The following FBXO46 variants were observed in gnomAD, a reference collection of about 807,000 sequenced individuals.
FBXO46 encodes F-box only protein 46.
A neutral mutation model predicts 30.7 loss-of-function variants in FBXO46; 13 were observed. The ratio of observed to expected loss-of-function variants is 0.42; its 90% CI spans 0.28 to 0.67. The LOEUF (loss-of-function observed/expected upper bound fraction) is 0.67. Ranked by LOEUF, FBXO46 falls within the 30% of genes least tolerant of loss-of-function variation. The pLI is 0.21. For missense variants in FBXO46, 754 were observed against 871.5 expected (o/e 0.87, Z 1.70); for synonymous variants, 467 against 385.8 (o/e 1.21, Z -2.47).
intron 1 of FBXO46, among the ~76,000 whole-genome samples, chr19:45,730,268 C>T (rs1416586096): frequency 6.6e-6 from 1 of 152,036 alleles, no homozygotes; most frequent in African/African-American, 2.4e-5. Context: ...TCCAGCTTAC[C>T]GGGAGTCTCT....
chr19:45,712,978 G>T lies in FBXO46; in HGVS notation c.518C>A (p.Ala173Asp). 6.3e-7 allele frequency: 1 copy of T among 1,576,300 alleles called. No homozygotes were observed. ...CTGTTCCACCAGGGCCACCATCTCG[G>T]CCACAGAGAGCAGGTCCACGTCCTC... Reference protein sequence around the residue: ...AGEDVDLLSVAEMVALVEQRA... With the variant: ...AGEDVDLLSVDEMVALVEQRA... The change falls in exon 2 of 2, where the codon GCC becomes GAC. Residue 173 changes from alanine (A) to aspartate (D), a missense_variant. Physicochemically the swap from Ala to Asp is moderately radical, Grantham distance 126 (BLOSUM62 -2). Transcript: ENST00000317683. This position sits in a 1 kb window ranked among gnomAD's most constrained non-coding sequence, Gnocchi z 8.8.
chr19:45,711,756 G>T lies in FBXO46; in HGVS notation c.1740C>A (p.Leu580=). 6.3e-7 allele frequency: 1 copy of T among 1,581,194 alleles called. No homozygotes were observed. ...DRETPGCRLG[L]HDNNWVLPCN... The stretch of plus-strand genomic sequence containing the variant: ...AGGGCAGCACCCAGTTGTTATCGTG[G>T]AGGCCCAGGCGGCAGCCGGGAGTCT... Residue 580 remains leucine, a synonymous_variant, in exon 2 of 2, where the codon CTC becomes CTA. Transcript: ENST00000317683.
At chr19:45,714,621 C>T (rs1033283198) in intron 1 of FBXO46, 2 of 152,152 alleles carry the variant, frequency 1.3e-5, no homozygotes, top group African/African-American at 2.4e-5. Context: ...AGAACAAAGC[C>T]GGGTGTGGTG....
Position 45,710,738 on chromosome 19 carries a change from G to C in FBXO46, c.*946C>G, listed in dbSNP as rs528968245. ...GAAAAAAAAGAAAACAAAAAACAGA[G>C]AGAACAAACAAAAATACCCCAGACC... On this transcript the variant is annotated 3_prime_UTR_variant, in exon 2 of 2. Coordinates refer to ENST00000317683, the MANE Select transcript of FBXO46 (RefSeq NM_001080469.2). 6.6e-6 allele frequency: 1 copy of C among 152,352 alleles called. No individual in the cohort carries two copies. Among genetic ancestry groups the C allele is most frequent in the Non-Finnish European group, 1.5e-5 (1 of 68,146 alleles). 9.4% of individuals were successfully genotyped at this position (152,352 alleles called of 1,614,324 possible).
rs554855345 is a variant in FBXO46, at chr19:45,723,861, T to C, written c.-79+6988A>G. 2.6e-5 allele frequency among the ~76,000 whole-genome samples: 4 copies of C among 151,998 alleles called. No individual in the cohort carries two copies. In the South Asian group the frequency reaches 6.3e-4, roughly 24 times the overall value. ...TTTTAGTAGAGACAGGGTTTCACCA[T>C]GTTGGCCAGGCTGGTCTTGAACTCC... On this transcript the variant is annotated intron_variant, in intron 1 of 1. Transcript: ENST00000317683.
intron 1 of FBXO46, among the ~76,000 whole-genome samples, chr19:45,721,331 G>A (rs1246814567): frequency 1.3e-5 from 2 of 152,028 alleles, no homozygotes; most frequent in African/African-American, 4.8e-5. Context: ...GTGCCAAAGC[G>A]AGACCCTGGC....
Position 45,712,134 on chromosome 19 carries a change from G to A in FBXO46, c.1362C>T (p.His454=). The change falls in exon 2 of 2, where the codon CAC becomes CAT. Residue 454 remains histidine (H), a synonymous_variant. Transcript: ENST00000317683. The surrounding 1 kb of genome is among the most constrained non-coding windows in gnomAD (Gnocchi z 8.8). The part of the protein sequence containing the change: ...SLCRLYRHVS[H]DFLEIRFKIQ... Reference sequence around the variant, plus strand: ...TCTTGAAGCGGATCTCTAGGAAGTCGTGCGACACGTGCCGGTACAAGCGGC... The same window carrying A: ...TCTTGAAGCGGATCTCTAGGAAGTCATGCGACACGTGCCGGTACAAGCGGC... 2.5e-6 allele frequency: 4 copies of A among 1,594,358 alleles called. No individual in the cohort carries two copies. Among genetic ancestry groups the A allele is most frequent in the Non-Finnish European group, 2.6e-6 (3 of 1,171,140 alleles).
At chr19:45,719,879 CTTGT>C (rs756554354) in intron 1 of FBXO46, among the ~76,000 whole-genome samples, 3 of 152,192 alleles carry the variant, frequency 2.0e-5, no homozygotes, top group Non-Finnish European at 4.4e-5. Flanking sequence ...CAAATATGAA[CTTGT>C]TTGATTCTTC....
chr19:45,717,486 G>C (rs1487911350), intron 1 of FBXO46: 1 of 152,312 alleles, frequency 6.6e-6, no homozygotes, highest in Non-Finnish European at 1.5e-5. Context: ...TTGGCGAAGG[G>C]GCCCAACTTC....
chr19:45,712,514 C>G lies in FBXO46; in HGVS notation c.982G>C (p.Ala328Pro), dbSNP rs1445969222. 1 of 1,602,584 alleles carries G rather than the reference C, an allele frequency of 6.2e-7. No individual in the cohort carries two copies. The highest frequency in any genetic ancestry group is 1.3e-5 in the African/African-American group (1 of 74,814). The change falls in exon 2 of 2, where the codon GCC becomes CCC. Residue 328 changes from alanine to proline, a missense_variant. Ala to Pro is a conservative substitution (Grantham distance 27). Around this residue, in one of 5 missense-constraint regions of FBXO46, gnomAD observed 454 missense variants for 426.5 expected, o/e 1.06. Coordinates refer to ENST00000317683, the MANE Select transcript of FBXO46 (RefSeq NM_001080469.2). This position sits in a 1 kb window ranked among gnomAD's most constrained non-coding sequence, Gnocchi z 8.8. ...ALPSNVEFLL[A>P]RADEASEGDS... ...CCCTCACTGGCCTCATCCGCCCTGGCCAGCAGGAACTCCACGTTGCTGGGG... is the reference window on the plus strand; with the variant it reads ...CCCTCACTGGCCTCATCCGCCCTGGGCAGCAGGAACTCCACGTTGCTGGGG...
At position 45,717,768 on chromosome 19, in the gene FBXO46, T is replaced by C. The variant is rs1444053159; in HGVS notation, c.-78-4195A>G. 4.8e-5 allele frequency among the ~76,000 whole-genome samples: 6 copies of C among 124,206 alleles called. No individual in the cohort carries two copies. In the East Asian group the frequency reaches 1.7e-3, roughly 34 times the overall value. The allele number at this position is 124,206 out of a possible 152,430, so 81.5% of individuals were successfully genotyped here. On this transcript the variant is annotated intron_variant, in intron 1 of 1. Coordinates refer to ENST00000317683, the MANE Select transcript of FBXO46 (RefSeq NM_001080469.2). ...GAGAGATCAGAGTATCCAGCTTTGG[T>C]TGGGAACTGTGGGGGCGGGGGGCGG...
chr19:45,727,432 C>A (rs999359095), intron 1 of FBXO46, among the ~76,000 whole-genome samples: 5 of 151,908 alleles, frequency 3.3e-5, no homozygotes, highest in African/African-American at 1.2e-4. Flanking sequence ...GTGACACAAG[C>A]CTGTAATCTC....
upstream of FBXO46, among the ~76,000 whole-genome samples, chr19:45,733,058 A>G (rs1341355160): frequency 6.6e-6 from 1 of 152,094 alleles, no homozygotes; most frequent in Non-Finnish European, 1.5e-5. This position sits in a 1 kb window ranked among gnomAD's most constrained non-coding sequence, Gnocchi z 5.7. Context: ...CACGAACTGA[A>G]GGGAAAAGGT....
At position 45,729,071 on chromosome 19, in the gene FBXO46, C is replaced by T. The variant is rs115751553; in HGVS notation, c.-79+1778G>A. ...GTTGCGGTGAGCCAAGATTGCACTC[C>T]GCCTGGGCAACAAGAGCGAAACTCC... On this transcript the variant is annotated intron_variant, in intron 1 of 1. Coordinates refer to ENST00000317683, the MANE Select transcript of FBXO46 (RefSeq NM_001080469.2). Among the ~76,000 whole-genome samples, 544 of 150,012 alleles carry T rather than the reference C, an allele frequency of 3.6e-3. 3 individuals carry two copies. Among genetic ancestry groups the T allele is most frequent in the African/African-American group, 0.013 (522 of 40,708 alleles).
Position 45,711,734 on chromosome 19 carries a change from G to A in FBXO46, c.1762C>T (p.Pro588Ser), listed in dbSNP as rs1477449027. The stretch of plus-strand genomic sequence containing the variant: ...CGGCCCCCGCCTGGCCCATTGCAGG[G>A]CAGCACCCAGTTGTTATCGTGGAGG... The part of the protein sequence containing the change: ...LGLHDNNWVL[P>S]CNGPGGGRAG... Residue 588 changes from proline (P) to serine (S), a missense_variant, in exon 2 of 2, where the codon CCC becomes TCC. Transcript: ENST00000317683. 6.4e-7 allele frequency: 1 copy of A among 1,555,566 alleles called. No homozygotes were observed. The highest frequency in any genetic ancestry group is 1.9e-5 in the Admixed American group (1 of 51,934).
At chr19:45,731,823 TA>T, upstream of FBXO46, among the ~76,000 whole-genome samples, 1 of 148,976 alleles carries the variant, frequency 6.7e-6, no homozygotes, top group East Asian at 2.1e-4. Flanking sequence ...TGCTGCCTCT[TA>T]AAATAAAAGA....
chr19:45,715,806 C>CA (rs71175215), intron 1 of FBXO46: 62,401 of 79,518 alleles, frequency 0.78, 24,565 homozygotes, highest in East Asian at 0.92. Flanking sequence ...AACTCCATCT[C>CA]AAAAAAAAAA....
chr19:45,714,357 C>T (rs1453865336), intron 1 of FBXO46: 1 of 151,912 alleles, frequency 6.6e-6, no homozygotes, highest in Non-Finnish European at 1.5e-5. Flanking sequence ...CAGACAAGCA[C>T]TTAAGAAATC....
chr19:45,728,164 A>C (rs1267059931), intron 1 of FBXO46, among the ~76,000 whole-genome samples: 2 of 152,328 alleles, frequency 1.3e-5, no homozygotes, highest in East Asian at 3.9e-4. Flanking sequence ...GGCCTCGGGC[A>C]ATCTGCCCGC....
Sources: allele counts gnomAD v4.1 joint callset (sites outside exome capture counted in the v4.1 genomes callset), GRCh38; gene constraint gnomAD v4.1.1; regional missense constraint gnomAD v4.1.1; non-coding constraint Gnocchi (gnomAD v3.1); transcripts MANE v1.5; gene names NCBI Gene and HGNC (gene_info 2026-07-23, HGNC 2026-07-21).